DAB1: variants seen among roughly 807,000 people sequenced by gnomAD.
DAB1 encodes the protein DAB adaptor protein 1.
In DAB1, 15 loss-of-function variants were observed where a neutral mutation model predicts 64.6. The ratio of observed to expected loss-of-function variants is 0.23; its 90% CI spans 0.16 to 0.36. DAB1 has a LOEUF of 0.36. Ranked by LOEUF, DAB1 falls within the 10% of genes least tolerant of loss-of-function variation. The pLI is 1.00. For synonymous variants in DAB1, 235 were observed against 251.9 expected (o/e 0.93, Z 0.64); for missense variants, 596 against 706.7 (o/e 0.84, Z 1.78).
At chr1:58,517,016 G>C (rs1646167916) in intron 2 of DAB1, among the ~76,000 whole-genome samples, 1 of 152,126 alleles carries the variant, frequency 6.6e-6, no homozygotes, top group African/African-American at 2.4e-5. Context: ...AAGAAGTCAA[G>C]GGAGTCTGAT....
intron 6 of DAB1, among the ~76,000 whole-genome samples, chr1:57,677,999 T>C (rs895188494): frequency 6.6e-6 from 1 of 152,162 alleles, no homozygotes; most frequent in African/African-American, 2.4e-5. Context: ...AACATTGATG[T>C]CTGGGTACTG....
At chr1:57,478,844 C>A (rs1333623862) in intron 7 of DAB1, among the ~76,000 whole-genome samples, 1 of 151,854 alleles carries the variant, frequency 6.6e-6, no homozygotes, top group Non-Finnish European at 1.5e-5. Flanking sequence ...TCATGATCCA[C>A]CGACCTCGGA....
chr1:57,059,020 T>C (rs1366329999), intron 9 of DAB1, among the ~76,000 whole-genome samples: 1 of 152,132 alleles, frequency 6.6e-6, no homozygotes, highest in African/African-American at 2.4e-5. Context: ...AGTACTCTAT[T>C]TGGGGTAAGG....
chr1:57,261,124 A>G (rs1040308704), intron 2 of DAB1, among the ~76,000 whole-genome samples: 25 of 152,034 alleles, frequency 1.6e-4, no homozygotes, highest in African/African-American at 5.8e-4. Flanking sequence ...CACCCTCCCA[A>G]TTTGTTCTTA....
chr1:56,998,110 C>A lies in DAB1; in HGVS notation c.*34G>T, dbSNP rs114644592. On this transcript the variant is annotated 3_prime_UTR_variant, in exon 15 of 15. Coordinates refer to ENST00000371236, the MANE Select transcript of DAB1 (RefSeq NM_001365792.1). ...TATTTCTTAGGTCTGTTGATCTGCG[C>A]GTACAGAGGCTCTGGCTCCTGTGGA... The A allele has an allele frequency of 1.3e-5, 2 of 152,600 alleles. No homozygotes were observed. Among genetic ancestry groups the A allele is most frequent in the Non-Finnish European group, 2.9e-5 (2 of 68,046 alleles). The allele number at this position is 152,600 out of a possible 1,614,324, so 9.5% of individuals were successfully genotyped here.
At chr1:57,334,205 C>A (rs981189948) in intron 1 of DAB1, among the ~76,000 whole-genome samples, 1 of 152,186 alleles carries the variant, frequency 6.6e-6, no homozygotes, top group Non-Finnish European at 1.5e-5. Context: ...GTAATGCTCA[C>A]GGAGGACTTC....
chr1:57,064,789 G>C (rs1024653042), intron 8 of DAB1, among the ~76,000 whole-genome samples: 11 of 152,344 alleles, frequency 7.2e-5, no homozygotes, highest in Admixed American at 5.2e-4. Flanking sequence ...GGCCGTGTCA[G>C]TGGTACACTT....
chr1:57,230,837 A>C (rs558812546), intron 2 of DAB1, among the ~76,000 whole-genome samples: 1 of 152,286 alleles, frequency 6.6e-6, no homozygotes, highest in East Asian at 1.9e-4. Flanking sequence ...GCAAATTATT[A>C]ACTGGTAACT....
chr1:57,370,285 A>G (rs1030644192), intron 1 of DAB1, among the ~76,000 whole-genome samples: 2 of 152,190 alleles, frequency 1.3e-5, no homozygotes, highest in Non-Finnish European at 2.9e-5. Context: ...AGGGTGCAAA[A>G]TAAGATAATA....
chr1:57,166,971 T>C (rs1209803957), intron 2 of DAB1, among the ~76,000 whole-genome samples: 1 of 152,206 alleles, frequency 6.6e-6, no homozygotes, highest in South Asian at 2.1e-4. Context: ...GGCTCAGATT[T>C]TGGAGAAATT....
At chr1:57,071,972 C>T (rs1169005497) in intron 5 of DAB1, among the ~76,000 whole-genome samples, 1 of 150,924 alleles carries the variant, frequency 6.6e-6, no homozygotes, top group Non-Finnish European at 1.5e-5. Context: ...TTAAATGAGG[C>T]TATGAACGCA....
At chr1:57,713,512 T>A (rs1453845727) in intron 6 of DAB1, among the ~76,000 whole-genome samples, 1 of 152,062 alleles carries the variant, frequency 6.6e-6, no homozygotes, top group Non-Finnish European at 1.5e-5. Context: ...GAGGGGAAGA[T>A]GGTGGAGTGC....
At chr1:58,341,999 A>G (rs536137690) in intron 4 of DAB1, among the ~76,000 whole-genome samples, 6 of 152,318 alleles carry the variant, frequency 3.9e-5, no homozygotes, top group African/African-American at 1.4e-4. Context: ...TAAACATTTT[A>G]TTGAATGGAA....
intron 4 of DAB1, among the ~76,000 whole-genome samples, chr1:58,153,572 A>G (rs2100737233): frequency 6.6e-6 from 1 of 152,262 alleles, no homozygotes; most frequent in South Asian, 2.1e-4. Flanking sequence ...TCAAAATGTG[A>G]AAAACTCTGT....
chr1:58,373,169 C>CT lies in DAB1; in HGVS notation n.258-29767dup, dbSNP rs201654648. Among the ~76,000 whole-genome samples the CT allele has an allele frequency of 5.1e-3, 702 of 138,702 alleles. 3 individuals are homozygous for CT. The highest frequency in any genetic ancestry group is 0.013 in the African/African-American group (480 of 38,400). 91.0% of individuals were successfully genotyped at this position (138,702 alleles called of 152,430 possible). A position where few individuals can be genotyped will look rare whatever the true frequency, so the allele number is the denominator to read the frequency against. ...ACCAAAGCATCCAGCTTACTATTTT[C>CT]TTTTTTTTTTTTTTAATTATACTTT... On this transcript the variant is annotated intron_variant and non_coding_transcript_variant, in intron 3 of 20. Coordinates refer to the DAB1 transcript ENST00000485760.
rs142387465 is a variant in DAB1 at position 57,688,357 on chromosome 1, G to A, written n.552-38692C>T. Among the ~76,000 whole-genome samples the A allele has an allele frequency of 1.2e-3, 179 of 152,044 alleles. 1 individual carries two copies. The highest frequency in any genetic ancestry group is 6.8e-3 in the Middle Eastern group (2 of 292). ...CATCAGAGAAATGCAAATCAAAACC[G>A]GATTGAGATATCATCTGACACCAGT... On this transcript the variant is annotated intron_variant and non_coding_transcript_variant, in intron 6 of 20. Transcript: ENST00000485760.
intron 4 of DAB1, among the ~76,000 whole-genome samples, chr1:58,300,650 AAGGAAGGAAGGAAGGAAGGAAGGAAGG>A (rs1662144249): frequency 6.3e-5 from 3 of 47,374 alleles, no homozygotes; most frequent in African/African-American, 1.6e-4. Context: ...GAGAGAGAGG[AAGGAAGGAAGGAAGGAAGGAAGGAAGG>A]AAGGAAGGAA....
intron 4 of DAB1, among the ~76,000 whole-genome samples, chr1:57,077,820 A>G (rs1460313558): frequency 6.6e-6 from 1 of 152,050 alleles, no homozygotes; most frequent in Non-Finnish European, 1.5e-5. Context: ...TTTAGCCTTC[A>G]TATTATTAGT....
Position 58,490,795 on chromosome 1 carries a change from C to CTTTTTTT in DAB1, n.257+15258_257+15264dup, listed in dbSNP as rs148145860. On this transcript the variant is annotated intron_variant and non_coding_transcript_variant, in intron 3 of 20. Coordinates refer to the DAB1 transcript ENST00000485760. Reference sequence around the variant, plus strand: ...AGAGTGGGGGCCAATAGTCAACATTCTTTTTTTTTTTTTTTTTTTTTTTTT... The same window carrying CTTTTTTT: ...AGAGTGGGGGCCAATAGTCAACATTCTTTTTTTTTTTTTTTTTTTTTTTTTTTTTTTT... Among the ~76,000 whole-genome samples the CTTTTTTT allele has an allele frequency of 7.6e-4, 45 of 59,272 alleles. 3 individuals carry two copies. The highest frequency in any genetic ancestry group is 1.9e-3 in the South Asian group (2 of 1,032). The allele number at this position is 59,272 out of a possible 152,430, so 38.9% of individuals were successfully genotyped here.
Sources: gnomAD v4.1 joint callset for allele counts (sites outside exome capture counted in the v4.1 genomes callset) on GRCh38, gnomAD v4.1.1 for gene constraint, MANE v1.5 for transcripts, NCBI Gene and HGNC (gene_info 2026-07-23, HGNC 2026-07-21) for gene names.